The following AHI1 variants were observed in gnomAD, a reference collection of about 807,000 sequenced individuals.
AHI1 encodes jouberin.
Under a neutral mutation model 149.3 loss-of-function variants are expected in AHI1, and 123 were observed. The observed-to-expected ratio is 0.82, with a 90% CI of 0.71 to 0.96. The LOEUF (loss-of-function observed/expected upper bound fraction) is 0.96. Among genes scored for constraint, AHI1 ranks in the 40% least tolerant of loss-of-function variants. The pLI is 0.00. For missense variants in AHI1, 1,439 were observed against 1,422.7 expected (o/e 1.01, Z -0.18); for synonymous variants, 475 against 459.8 (o/e 1.03, Z -0.42).
intron 5 of AHI1, among the ~76,000 whole-genome samples, chr6:135,484,850 T>C (rs2128127234): frequency 6.6e-6 from 1 of 152,292 alleles, no homozygotes; most frequent in South Asian, 2.1e-4. Flanking sequence ...CTGTCTTTAT[T>C]TGGGAGGTCT....
intron 23 of AHI1, among the ~76,000 whole-genome samples, chr6:135,364,224 C>T (rs1039607186): frequency 8.6e-5 from 13 of 151,060 alleles, no homozygotes; most frequent in African/African-American, 1.7e-4. Flanking sequence ...ACGGGGCGTC[C>T]GGGCAGAGAC....
At chr6:135,475,741 C>T (rs1792505521) in intron 5 of AHI1, among the ~76,000 whole-genome samples, 1 of 152,150 alleles carries the variant, frequency 6.6e-6, no homozygotes, top group Non-Finnish European at 1.5e-5. Flanking sequence ...AAAGCTTGCA[C>T]CTGGTTTCTC....
At chr6:135,340,650 CATACATACATATATAT>C (rs1790163449) in intron 24 of AHI1, among the ~76,000 whole-genome samples, 2 of 52,634 alleles carry the variant, frequency 3.8e-5, no homozygotes, top group East Asian at 5.8e-4. Context: ...CATATATATA[CATACATACATATATAT>C]ATATATATAT....
rs182377142 is a variant in AHI1 at position 135,489,788 on chromosome 6, T to C, written c.135+835A>G. 3.1e-3 allele frequency: 503 copies of C among 164,834 alleles called. 5 individuals carry two copies. The highest frequency in any genetic ancestry group is 9.3e-3 in the African/African-American group (389 of 41,924). The allele number at this position is 164,834 out of a possible 1,614,324, so 10.2% of individuals were successfully genotyped here. On this transcript the variant is annotated intron_variant, in intron 5 of 28. Coordinates refer to ENST00000265602, the MANE Select transcript of AHI1 (RefSeq NM_001134831.2). ...TCACTTCAGAATTTATATTGTTACA[T>C]TGACATCTGCCAGACAGAATACTAA... is the stretch of plus-strand genomic sequence containing the variant.
intron 26 of AHI1, chr6:135,306,723 AACT>A (rs1446147418): frequency 1.3e-5 from 2 of 152,212 alleles, no homozygotes; most frequent in African/African-American, 4.8e-5. Flanking sequence ...AGAAATGGAC[AACT>A]AAATGTCCCC....
chr6:135,461,893 CTGTT>C (rs1270513635), intron 8 of AHI1, among the ~76,000 whole-genome samples: 2 of 151,976 alleles, frequency 1.3e-5, no homozygotes, highest in East Asian at 3.8e-4. Context: ...AAAATAAACT[CTGTT>C]AGATGTCCAG....
intron 21 of AHI1, among the ~76,000 whole-genome samples, chr6:135,406,417 TAC>T (rs2128501501): frequency 6.6e-6 from 1 of 152,350 alleles, no homozygotes; most frequent in Non-Finnish European, 1.5e-5. Context: ...CAGTGCTTAC[TAC>T]TTGTGTGATC....
chr6:135,346,669 G>A (rs964151646), intron 24 of AHI1, among the ~76,000 whole-genome samples: 8 of 152,154 alleles, frequency 5.3e-5, no homozygotes, highest in African/African-American at 1.9e-4. Context: ...TATACAGTGA[G>A]CTTACCAAGT....
chr6:135,421,782 A>C (rs535324068), intron 20 of AHI1, among the ~76,000 whole-genome samples: 1 of 152,204 alleles, frequency 6.6e-6, no homozygotes, highest in African/African-American at 2.4e-5. Flanking sequence ...CAAAGTACCT[A>C]TTATGTGAAT....
At chr6:135,374,372 A>C (rs530924173) in intron 23 of AHI1, among the ~76,000 whole-genome samples, 1 of 151,952 alleles carries the variant, frequency 6.6e-6, no homozygotes, top group South Asian at 2.1e-4. Context: ...TCAGCCTCCC[A>C]AAGTGCTGGG....
At chr6:135,482,480 T>C (rs1038419116) in intron 5 of AHI1, among the ~76,000 whole-genome samples, 9 of 152,064 alleles carry the variant, frequency 5.9e-5, no homozygotes, top group Admixed American at 1.3e-4. Context: ...TTTTTTTTTT[T>C]GTTTGTTTGA....
intron 24 of AHI1, among the ~76,000 whole-genome samples, chr6:135,350,677 AT>A (rs1305739266): frequency 6.6e-6 from 1 of 152,288 alleles, no homozygotes; most frequent in South Asian, 2.1e-4. Flanking sequence ...AAAAGTTAAC[AT>A]TTACCTGGGA....
intron 28 of AHI1, among the ~76,000 whole-genome samples, chr6:135,286,950 T>C (rs1439065851): frequency 2.0e-5 from 3 of 151,920 alleles, no homozygotes; most frequent in Admixed American, 6.6e-5. Context: ...TAGGATCTGA[T>C]AAAAATGGAA....
chr6:135,465,987 A>T lies in AHI1; in HGVS notation c.576T>A (p.Tyr192Ter), dbSNP rs770911013. ...CCATTTCTTCAGTTACATGGCACTG[A>T]TATGCTTGCATCAATTCTTCATCCT... The part of the protein sequence containing the change: ...LEEDEELMQA[Y>*]QCHVTEEMAK... The change falls in exon 7 of 29, where the codon TAT (tyrosine) becomes TAA (stop). Residue 192 changes from tyrosine (Y) to a stop codon, truncating the protein, a stop_gained. Coordinates refer to ENST00000265602, the MANE Select transcript of AHI1 (RefSeq NM_001134831.2). LOFTEE classifies it high-confidence loss of function. The T allele has an allele frequency of 2.5e-6, 4 of 1,613,852 alleles. No individual in the cohort carries two copies. In the Admixed American group the frequency reaches 6.7e-5, roughly 27 times the overall value.
chr6:135,355,401 A>G (rs1403207907), intron 24 of AHI1, among the ~76,000 whole-genome samples: 4 of 152,136 alleles, frequency 2.6e-5, no homozygotes, highest in Non-Finnish European at 4.4e-5. Flanking sequence ...TAGTAAATGA[A>G]AAACAAAAAG....
chr6:135,394,541 T>C (rs1778947442), intron 23 of AHI1: 1 of 486,592 alleles, frequency 2.1e-6, no homozygotes, highest in Non-Finnish European at 3.7e-6. Context: ...TTTGCTAGTT[T>C]TAAATTATTA....
intron 27 of AHI1, 58 bp downstream of exon 27, chr6:135,300,442 C>G: frequency 6.9e-7 from 1 of 1,444,896 alleles, no homozygotes; most frequent in Middle Eastern, 1.8e-4. Flanking sequence ...GAGAAATTAT[C>G]CTTAAAAGAA....
At chr6:135,492,102 T>C in intron 4 of AHI1, 126 bp downstream of exon 4, 4 of 587,978 alleles carry the variant, frequency 6.8e-6, no homozygotes, top group Non-Finnish European at 1.1e-5. Flanking sequence ...TCTCTAAATG[T>C]AGTATATTTG....
intron 24 of AHI1, among the ~76,000 whole-genome samples, chr6:135,328,115 T>A (rs1787981068): frequency 6.6e-6 from 1 of 152,178 alleles, no homozygotes; most frequent in African/African-American, 2.4e-5. Flanking sequence ...TCTTGGGGAC[T>A]GAGCCCTCAA....
Sources: gnomAD v4.1 joint callset for allele counts (sites outside exome capture counted in the v4.1 genomes callset) on GRCh38, gnomAD v4.1.1 for gene constraint, MANE v1.5 for transcripts, NCBI Gene and HGNC (gene_info 2026-07-23, HGNC 2026-07-21) for gene names.